GPHN: variants seen among roughly 807,000 people sequenced by gnomAD.
GPHN encodes gephyrin.
Under a neutral mutation model 95.5 loss-of-function variants are expected in GPHN, and 17 were observed. The observed-to-expected ratio is 0.18, with a 90% CI of 0.12 to 0.27. The LOEUF is 0.27. Among genes scored for constraint, GPHN ranks in the 10% least tolerant of loss-of-function variants. GPHN has a pLI of 1.00. For missense variants in GPHN, 660 were observed against 978.1 expected (o/e 0.67, Z 4.34); for synonymous variants, 320 against 322.5 (o/e 0.99, Z 0.08).
At chr14:67,444,934 AT>A in the GPHN span, among the ~76,000 whole-genome samples, 1 of 152,060 alleles carries the variant, frequency 6.6e-6, no homozygotes, top group South Asian at 2.1e-4. Context: ...TAATGTGTGT[AT>A]TTTTAGTAGA....
At chr14:67,236,475 T>C in the GPHN span, among the ~76,000 whole-genome samples, 2,915 of 152,324 alleles carry the variant, frequency 0.019, 38 homozygotes, top group Middle Eastern at 0.034. Context: ...TTCCTGTTCC[T>C]CTAGGATAAG....
the GPHN span, among the ~76,000 whole-genome samples, chr14:67,439,717 T>C: frequency 6.6e-6 from 1 of 152,174 alleles, no homozygotes; most frequent in Non-Finnish European, 1.5e-5. Flanking sequence ...AAAAACAACA[T>C]ACACAATGCA....
chr14:66,933,462 A>G lies in GPHN; in HGVS notation c.828+9170A>G, dbSNP rs575382706. Among the ~76,000 whole-genome samples, 7 of 152,318 alleles carry G rather than the reference A, an allele frequency of 4.6e-5. No individual in the cohort carries two copies. In the East Asian group the frequency reaches 1.4e-3, roughly 29 times the overall value. On this transcript the variant is annotated intron_variant, in intron 8 of 22. Transcript: ENST00000478722. ...TGTAAAATTAATATTGAAAGGGAGC[A>G]CCTGATTACCTATTAGAAAGAAAAA...
chr14:66,553,176 A>G (rs1480670888), intron 1 of GPHN, among the ~76,000 whole-genome samples: 1 of 151,836 alleles, frequency 6.6e-6, no homozygotes, highest in Non-Finnish European at 1.5e-5. Context: ...TTTTTATTAG[A>G]GAAGGGGTTT....
chr14:67,608,496 C>T, the GPHN span, among the ~76,000 whole-genome samples: 1 of 152,062 alleles, frequency 6.6e-6, no homozygotes, highest in African/African-American at 2.4e-5. Flanking sequence ...AACCAATCCC[C>T]CACTAATACA....
At chr14:67,340,535 AAT>A in the GPHN span, 2 of 1,598,734 alleles carry the variant, frequency 1.3e-6, no homozygotes, top group African/African-American at 2.7e-5. Flanking sequence ...TAAAAAAAAA[AAT>A]AATATGTGTG....
chr14:66,678,318 A>G (rs1369164971), intron 1 of GPHN, among the ~76,000 whole-genome samples: 1 of 151,078 alleles, frequency 6.6e-6, no homozygotes, highest in African/African-American at 2.4e-5. Context: ...ATTTTTAAAA[A>G]CCTATCTTCA....
At chr14:67,319,504 C>T in the GPHN span, among the ~76,000 whole-genome samples, 1 of 151,674 alleles carries the variant, frequency 6.6e-6, no homozygotes, top group African/African-American at 2.4e-5. Context: ...AGTTATACAA[C>T]TACAGCAGGG....
chr14:67,364,196 T>C, the GPHN span: 2 of 152,334 alleles, frequency 1.3e-5, no homozygotes, highest in South Asian at 4.1e-4. Flanking sequence ...GGATGCATTT[T>C]AGTTTATTTT....
chr14:66,972,152 C>T (rs1374718190), intron 9 of GPHN, among the ~76,000 whole-genome samples: 2 of 151,046 alleles, frequency 1.3e-5, no homozygotes, highest in African/African-American at 4.9e-5. Context: ...CCTGTAGTCC[C>T]AGCTGCTTGG....
chr14:67,412,281 C>A, the GPHN span: 1 of 448,064 alleles, frequency 2.2e-6, no homozygotes, highest in Non-Finnish European at 3.9e-6. Context: ...CAAAGGTGCT[C>A]CAGGGTCGGT....
rs144935764 is a variant in GPHN at position 66,798,630 on chromosome 14, G to A, written c.201+22109G>A. ...TAATAGTAGCCACTAATGATCCTTTGAATTTCTGCAGTATCAATTGTAATG... is the reference window on the plus strand; with the variant it reads ...TAATAGTAGCCACTAATGATCCTTTAAATTTCTGCAGTATCAATTGTAATG... On this transcript the variant is annotated intron_variant, in intron 3 of 22. Transcript: ENST00000478722. 1.3e-4 allele frequency among the ~76,000 whole-genome samples: 19 copies of A among 151,760 alleles called. No homozygotes were observed. In the East Asian group the frequency reaches 3.7e-3, roughly 29 times the overall value.
the GPHN span, chr14:67,729,210 C>T: frequency 6.2e-7 from 1 of 1,612,630 alleles, no homozygotes; most frequent in Non-Finnish European, 8.5e-7. Context: ...TCACCACCTA[C>T]GCAGTGCACC....
chr14:67,677,195 G>T, the GPHN span: 2 of 151,794 alleles, frequency 1.3e-5, no homozygotes, highest in African/African-American at 4.8e-5. Context: ...CTTTTGATAA[G>T]AAGTCTCCAA....
chr14:67,259,526 T>C, the GPHN span, among the ~76,000 whole-genome samples: 2 of 151,932 alleles, frequency 1.3e-5, no homozygotes, highest in Non-Finnish European at 2.9e-5. Flanking sequence ...GCAGGAGAAT[T>C]GCGTGAACTC....
chr14:66,782,451 A>C (rs1465367449), intron 3 of GPHN, among the ~76,000 whole-genome samples: 1 of 152,182 alleles, frequency 6.6e-6, no homozygotes, highest in Non-Finnish European at 1.5e-5. Flanking sequence ...ACTTCCAGCC[A>C]AGATGGAGTA....
chr14:67,281,741 A>T, the GPHN span, among the ~76,000 whole-genome samples: 3 of 152,184 alleles, frequency 2.0e-5, no homozygotes, highest in African/African-American at 7.2e-5. Flanking sequence ...ACTTAGTAAG[A>T]GAACAGTTGT....
intron 1 of GPHN, among the ~76,000 whole-genome samples, chr14:66,515,905 C>G (rs1156421442): frequency 6.6e-6 from 1 of 152,132 alleles, no homozygotes; most frequent in African/African-American, 2.4e-5. Flanking sequence ...CACATTCATG[C>G]TTCATTTATG....
chr14:66,968,956 C>A (rs1053978732), intron 9 of GPHN: 1 of 151,990 alleles, frequency 6.6e-6, no homozygotes, highest in African/African-American at 2.4e-5. Context: ...TATATATTGA[C>A]CGTTTAAGAT....
Sources: gnomAD v4.1 joint callset for allele counts (sites outside exome capture counted in the v4.1 genomes callset) on GRCh38, gnomAD v4.1.1 for gene constraint, MANE v1.5 for transcripts, NCBI Gene and HGNC (gene_info 2026-07-23, HGNC 2026-07-21) for gene names.